The following IRGM variants were observed in gnomAD, a reference collection of about 807,000 sequenced individuals.
The protein encoded by IRGM is immunity-related GTPase family M protein.
For synonymous variants in IRGM, 98 were observed against 80.6 expected, an observed-to-expected ratio of 1.22 and a Z score of -1.16; for missense variants, 288 against 219.9, an observed-to-expected ratio of 1.31 and a Z score of -1.96.
At chr5:150,891,902 G>A (rs995017015) in intron 3 of IRGM, among the ~76,000 whole-genome samples, 6 of 151,934 alleles carry the variant, frequency 3.9e-5, no homozygotes, top group Non-Finnish European at 1.5e-5. Flanking sequence ...TTAATTTTTT[G>A]GCAAACTAGC....
intron 1 of IRGM, among the ~76,000 whole-genome samples, chr5:150,856,467 TAA>T (rs1754051899): frequency 6.6e-6 from 1 of 152,002 alleles, no homozygotes. Flanking sequence ...TAAAATAAAA[TAA>T]AATGTATCAA....
chr5:150,866,763 T>A (rs1421348066), intron 1 of IRGM, among the ~76,000 whole-genome samples: 1 of 152,188 alleles, frequency 6.6e-6, no homozygotes, highest in East Asian at 1.9e-4. Flanking sequence ...ATTTACCGTT[T>A]TCCAAGAGAT....
At chr5:150,883,798 T>A (rs942522657) in intron 3 of IRGM, among the ~76,000 whole-genome samples, 1 of 151,942 alleles carries the variant, frequency 6.6e-6, no homozygotes, top group African/African-American at 2.4e-5. Context: ...CATTACTAAA[T>A]TCTACAAAGT....
chr5:150,878,312 T>C (rs1754394937), intron 2 of IRGM, among the ~76,000 whole-genome samples: 1 of 152,168 alleles, frequency 6.6e-6, no homozygotes, highest in Non-Finnish European at 1.5e-5. Context: ...GAGATTGTGG[T>C]GAAAGATATG....
At position 150,896,940 on chromosome 5, in the gene IRGM, C is replaced by T. The variant is rs372902064; in HGVS notation, c.*141-3649C>T. On this transcript the variant is annotated intron_variant and NMD_transcript_variant, in intron 3 of 3. Coordinates refer to the IRGM transcript ENST00000520549. ...ATGGAAGGAAACTGTCCCCAAAATA[C>T]ATGACTGGGAGTTGTGAAGGTTACT... The T allele has an allele frequency of 1.6e-5, 26 of 1,612,676 alleles. No individual in the cohort carries two copies. Among genetic ancestry groups the T allele is most frequent in the Non-Finnish European group, 2.1e-5 (25 of 1,179,386 alleles).
chr5:150,864,387 A>G (rs1754177524), intron 1 of IRGM, among the ~76,000 whole-genome samples: 1 of 151,926 alleles, frequency 6.6e-6, no homozygotes, highest in Admixed American at 6.6e-5. Flanking sequence ...TTCTATGTAG[A>G]TTTCCTTCTC....
At chr5:150,856,802 A>G (rs1397022478) in intron 1 of IRGM, among the ~76,000 whole-genome samples, 1 of 150,704 alleles carries the variant, frequency 6.6e-6, no homozygotes, top group Non-Finnish European at 1.5e-5. Flanking sequence ...TTCCTCATCC[A>G]TATACATACA....
At chr5:150,876,475 C>T (rs544284985) in intron 1 of IRGM, among the ~76,000 whole-genome samples, 39 of 152,194 alleles carry the variant, frequency 2.6e-4, no homozygotes, top group Non-Finnish European at 5.1e-4. Flanking sequence ...CACCTGGACA[C>T]TTTTCCTACC....
chr5:150,866,124 T>C (rs999582649), intron 1 of IRGM, among the ~76,000 whole-genome samples: 1 of 152,212 alleles, frequency 6.6e-6, no homozygotes. Flanking sequence ...CCAGGTTCTA[T>C]TGTTCCGTGA....
At chr5:150,883,055 CAG>C (rs1738615965) in intron 3 of IRGM, among the ~76,000 whole-genome samples, 1 of 151,950 alleles carries the variant, frequency 6.6e-6, no homozygotes, top group Non-Finnish European at 1.5e-5. Context: ...AAATCAATAA[CAG>C]AAGGAATTTT....
chr5:150,883,898 G>A lies in IRGM; in HGVS notation c.*140+4252G>A, dbSNP rs147714675. Among the ~76,000 whole-genome samples the A allele has an allele frequency of 8.6e-5, 13 of 151,970 alleles. 1 individual carries two copies. Among genetic ancestry groups the A allele is most frequent in the Admixed American group, 5.9e-4 (9 of 15,250 alleles). ...TCCAAACTGATTTTATAGGGTCAGCGTTACTCTGAAACCAAATCCAGATAA... is the reference window on the plus strand; with the variant it reads ...TCCAAACTGATTTTATAGGGTCAGCATTACTCTGAAACCAAATCCAGATAA... On this transcript the variant is annotated intron_variant and NMD_transcript_variant, in intron 3 of 3. Coordinates refer to the IRGM transcript ENST00000520549.
At chr5:150,876,109 C>T (rs1460502332) in intron 1 of IRGM, among the ~76,000 whole-genome samples, 5 of 152,180 alleles carry the variant, frequency 3.3e-5, no homozygotes, top group Admixed American at 2.0e-4. Flanking sequence ...TACCATGTTC[C>T]CCATCATCCT....
intron 3 of IRGM, chr5:150,894,359 G>A (rs1255121518): frequency 6.6e-6 from 1 of 152,246 alleles, no homozygotes; most frequent in East Asian, 1.9e-4. Flanking sequence ...GGGCTTCAGG[G>A]AAAGGATCAC....
chr5:150,867,811 C>T (rs1015435945), intron 1 of IRGM, among the ~76,000 whole-genome samples: 4 of 150,468 alleles, frequency 2.7e-5, no homozygotes, highest in Non-Finnish European at 5.9e-5. Context: ...CCTTAGCCCA[C>T]GTATTGATGG....
chr5:150,857,513 C>A (rs536589780), intron 1 of IRGM, among the ~76,000 whole-genome samples: 1 of 151,964 alleles, frequency 6.6e-6, no homozygotes, highest in Admixed American at 6.6e-5. Context: ...CACTGACTTC[C>A]ACAATGGTTG....
At chr5:150,894,516 C>T (rs943142528) in intron 3 of IRGM, 1 of 152,110 alleles carries the variant, frequency 6.6e-6, no homozygotes, top group East Asian at 1.9e-4. Flanking sequence ...TAAAATGAGC[C>T]ACTTATAGGG....
chr5:150,890,664 TTTCA>T lies in IRGM; in HGVS notation c.*141-9922_*141-9919del, dbSNP rs571653318. ...AATGTTGATATAGTTGTGTTTTTAT[TTTCA>T]TTAAGTTCAAAATGCTTCATTTCCT... On this transcript the variant is annotated intron_variant and NMD_transcript_variant, in intron 3 of 3. Transcript: ENST00000520549. Among the ~76,000 whole-genome samples the T allele has an allele frequency of 7.0e-3, 1,058 of 152,206 alleles. 8 individuals are homozygous for T. The highest frequency in any genetic ancestry group is 0.012 in the Admixed American group (178 of 15,268).
intron 1 of IRGM, among the ~76,000 whole-genome samples, chr5:150,859,887 A>C (rs1003457449): frequency 6.6e-6 from 1 of 151,986 alleles, no homozygotes; most frequent in Non-Finnish European, 1.5e-5. Flanking sequence ...GGATCCATCC[A>C]TTTTCAACTA....
intron 1 of IRGM, among the ~76,000 whole-genome samples, chr5:150,872,998 G>T (rs544840909): frequency 6.6e-6 from 1 of 152,188 alleles, no homozygotes; most frequent in Non-Finnish European, 1.5e-5. Context: ...AGTGGGAACC[G>T]CAGTCACTCA....
Sources: gnomAD v4.1 joint callset for allele counts (sites outside exome capture counted in the v4.1 genomes callset) on GRCh38, gnomAD v4.1.1 for gene constraint, MANE v1.5 for transcripts, NCBI Gene and HGNC (gene_info 2026-07-23, HGNC 2026-07-21) for gene names.